The following MMUT variants were observed in gnomAD, a reference collection of about 807,000 sequenced individuals.
MMUT encodes methylmalonyl-CoA mutase.
MMUT carries 79 observed loss-of-function variants against 79.9 expected under a neutral mutation model. The ratio of observed to expected loss-of-function variants is 0.99; its 90% confidence interval spans 0.82 to 1.19. MMUT has a LOEUF of 1.19. Ranked by LOEUF, MMUT falls within the 50% of genes most tolerant of loss-of-function variation. MMUT has a pLI of 0.00. For missense variants in MMUT, 860 were observed against 917.2 expected (o/e 0.94, Z 0.81); for synonymous variants, 273 against 295.7 (o/e 0.92, Z 0.79).
chr6:49,459,534 T>G (rs1767787385), intron 1 of MMUT, 29 bp from the exon 2 acceptor site: 10 of 1,540,918 alleles, frequency 6.5e-6, no homozygotes, highest in Non-Finnish European at 7.9e-6. Flanking sequence ...AGTAAAAACA[T>G]TTAGAAGAGG....
At chr6:49,454,659 C>T (rs147624598) in intron 4 of MMUT, among the ~76,000 whole-genome samples, 13 of 152,248 alleles carry the variant, frequency 8.5e-5, no homozygotes, top group South Asian at 4.2e-4. Flanking sequence ...TCTCAGGTTC[C>T]CTTTCTACTC....
chr6:49,461,424 G>A (rs919429481), intron 1 of MMUT, among the ~76,000 whole-genome samples: 1 of 152,160 alleles, frequency 6.6e-6, no homozygotes, highest in Non-Finnish European at 1.5e-5. Flanking sequence ...AATTGTAAGT[G>A]CAACAGGTTC....
At chr6:49,435,365 T>C in intron 12 of MMUT, 91 bp downstream of exon 12, 1 of 1,305,476 alleles carries the variant, frequency 7.7e-7, no homozygotes, top group Non-Finnish European at 1.1e-6. Flanking sequence ...AATATGTTCC[T>C]AAATCTACAA....
At chr6:49,459,644 T>C in intron 1 of MMUT, 139 bp from the exon 2 acceptor site, 3 of 721,952 alleles carry the variant, frequency 4.2e-6, no homozygotes. Flanking sequence ...CTGCACCTGA[T>C]ATTTTATAAC....
At chr6:49,438,741 C>T (rs1218704623) in intron 11 of MMUT, among the ~76,000 whole-genome samples, 1 of 151,938 alleles carries the variant, frequency 6.6e-6, no homozygotes, top group African/African-American at 2.4e-5. Flanking sequence ...AGGGCTAGAC[C>T]CACCCTTAAT....
chr6:49,443,636 TATA>T, intron 9 of MMUT: 1 of 215,838 alleles, frequency 4.6e-6, no homozygotes, highest in South Asian at 6.3e-5. Context: ...ATATGATACA[TATA>T]ATGAGATAAT....
chr6:49,439,800 C>G (rs898250987), intron 11 of MMUT, among the ~76,000 whole-genome samples: 1 of 152,172 alleles, frequency 6.6e-6, no homozygotes, highest in East Asian at 1.9e-4. Flanking sequence ...ATTTCCCATC[C>G]TCTGGCATGC....
chr6:49,455,027 C>A (rs1214393811), intron 4 of MMUT, among the ~76,000 whole-genome samples: 1 of 152,050 alleles, frequency 6.6e-6, no homozygotes, highest in Non-Finnish European at 1.5e-5. Context: ...GCATGTGCAA[C>A]AGAGCAAGAT....
intron 11 of MMUT, among the ~76,000 whole-genome samples, chr6:49,439,488 C>T (rs895419778): frequency 4.6e-5 from 7 of 152,126 alleles, no homozygotes; most frequent in Non-Finnish European, 1.0e-4. Context: ...GTAGCTTGCA[C>T]AGCAGCCTGG....
At chr6:49,451,012 C>T (rs1032897677) in intron 6 of MMUT, among the ~76,000 whole-genome samples, 5 of 152,088 alleles carry the variant, frequency 3.3e-5, no homozygotes, top group Non-Finnish European at 7.4e-5. Context: ...ATCTAAACTA[C>T]CCTACTAGGA....
intron 6 of MMUT, among the ~76,000 whole-genome samples, chr6:49,450,778 G>A (rs558254575): frequency 2.2e-4 from 33 of 152,208 alleles, no homozygotes; most frequent in African/African-American, 7.2e-4. Context: ...ATAACCAAGA[G>A]ATAGACATGG....
At position 49,459,260 on chromosome 6, in the gene MMUT, T is replaced by C. The variant is rs757381606; in HGVS notation, c.207A>G (p.Ile69Met). ...LIWHTPEGIS[I>M]KPLYSKRDTM... ...TATCTCTCTTGGAATACAAGGGTTTTATAGAGATCCCTTCCGGGGTGTGCC... is the reference window on the plus strand; with the variant it reads ...TATCTCTCTTGGAATACAAGGGTTTCATAGAGATCCCTTCCGGGGTGTGCC... The change falls in exon 2 of 13, where the codon ATA becomes ATG. Residue 69 changes from isoleucine (I) to methionine (M), a missense_variant. Transcript: ENST00000274813. The C allele has an allele frequency of 1.4e-5, 22 of 1,614,068 alleles. No individual in the cohort carries two copies. Among genetic ancestry groups the C allele is most frequent in the Non-Finnish European group, 1.8e-5 (21 of 1,180,048 alleles).
chr6:49,456,558 C>T (rs1395638159), intron 3 of MMUT, among the ~76,000 whole-genome samples: 1 of 152,074 alleles, frequency 6.6e-6, no homozygotes, highest in Non-Finnish European at 1.5e-5. Context: ...GGCCTGAGAA[C>T]TAAATGAAGC....
At chr6:49,439,751 C>T (rs1231005633) in intron 11 of MMUT, among the ~76,000 whole-genome samples, 1 of 152,144 alleles carries the variant, frequency 6.6e-6, no homozygotes, top group Non-Finnish European at 1.5e-5. Context: ...CACTGGACCC[C>T]TTACTGAGGG....
chr6:49,449,528 AC>A (rs1424501291), intron 6 of MMUT, among the ~76,000 whole-genome samples: 1 of 152,092 alleles, frequency 6.6e-6, no homozygotes, highest in African/African-American at 2.4e-5. Context: ...GTCTGCAACC[AC>A]CCCTCTCTCA....
At chr6:49,436,127 A>G (rs1179508162) in intron 11 of MMUT, among the ~76,000 whole-genome samples, 2 of 152,176 alleles carry the variant, frequency 1.3e-5, no homozygotes, top group Non-Finnish European at 2.9e-5. Flanking sequence ...AAAAAATAAC[A>G]GATGCTAGCA....
At chr6:49,458,981 A>T (rs1487360952) in intron 2 of MMUT, 101 bp downstream of exon 2, 1 of 1,202,264 alleles carries the variant, frequency 8.3e-7, no homozygotes, top group Non-Finnish European at 1.2e-6. Context: ...CTACAAAATT[A>T]TAGAGTGAAT....
chr6:49,432,299 A>T (rs1419682019), intron 12 of MMUT, among the ~76,000 whole-genome samples: 2 of 151,786 alleles, frequency 1.3e-5, no homozygotes, highest in Non-Finnish European at 2.9e-5. Context: ...AATTTGGACA[A>T]CTGATAGATT....
intron 5 of MMUT, among the ~76,000 whole-genome samples, chr6:49,453,008 C>T (rs1475023197): frequency 6.7e-6 from 1 of 149,630 alleles, no homozygotes; most frequent in Non-Finnish European, 1.5e-5. Context: ...GCTTCCTTCT[C>T]ATCATCAAAT....
Sources: gnomAD v4.1 joint callset for allele counts (sites outside exome capture counted in the v4.1 genomes callset) on GRCh38, gnomAD v4.1.1 for gene constraint, MANE v1.5 for transcripts, NCBI Gene and HGNC (gene_info 2026-07-23, HGNC 2026-07-21) for gene names.